Variants in SNX30 observed in about 807,000 individuals in gnomAD.
SNX30 encodes sorting nexin-30.
SNX30 carries 24 observed loss-of-function variants against 46.4 expected under a neutral mutation model. That is an observed-to-expected ratio of 0.52 (90% CI 0.37 to 0.73). SNX30 has a LOEUF of 0.73. SNX30 is among the 30% of genes least tolerant of loss of function. SNX30 has a pLI of 0.00. For missense variants in SNX30, 533 were observed against 555.7 expected, an observed-to-expected ratio of 0.96 and a Z score of 0.41; for synonymous variants, 189 against 211.5, an observed-to-expected ratio of 0.89 and a Z score of 0.92.
intron 1 of SNX30, among the ~76,000 whole-genome samples, chr9:112,796,807 G>A (rs569399068): frequency 6.6e-5 from 10 of 152,160 alleles, no homozygotes; most frequent in African/African-American, 1.9e-4. Context: ...TCTTCACTCC[G>A]CCGTGTCCCA....
At chr9:112,867,682 A>G (rs1178314446) in intron 8 of SNX30, among the ~76,000 whole-genome samples, 1 of 134,056 alleles carries the variant, frequency 7.5e-6, no homozygotes, top group African/African-American at 2.9e-5. Flanking sequence ...AATTTCTCCC[A>G]CCTCTTCAGA....
chr9:112,816,502 G>C (rs1185029719), intron 2 of SNX30, among the ~76,000 whole-genome samples: 2 of 152,200 alleles, frequency 1.3e-5, no homozygotes, highest in African/African-American at 4.8e-5. Context: ...TGTTTCATAG[G>C]CATATGCTGG....
chr9:112,829,211 CTATT>C (rs1840624134), intron 3 of SNX30, among the ~76,000 whole-genome samples: 3 of 152,194 alleles, frequency 2.0e-5, no homozygotes, highest in Non-Finnish European at 4.4e-5. Context: ...GCTGTTATGA[CTATT>C]TGTGTACAAA....
chr9:112,842,866 A>G (rs143184383), intron 6 of SNX30, among the ~76,000 whole-genome samples: 87 of 152,338 alleles, frequency 5.7e-4, no homozygotes, highest in Non-Finnish European at 1.1e-3. Flanking sequence ...CTTGTACTAG[A>G]AAGACGGTTG....
intron 7 of SNX30, among the ~76,000 whole-genome samples, chr9:112,852,335 G>A (rs1263471163): frequency 6.6e-6 from 1 of 152,094 alleles, no homozygotes; most frequent in Non-Finnish European, 1.5e-5. Flanking sequence ...GATTTACAAG[G>A]TATTTATGTT....
At chr9:112,885,440 G>GTATATATATATATATATATATGTGTA, downstream of SNX30, 1 of 147,552 alleles carries the variant, frequency 6.8e-6, no homozygotes, top group Non-Finnish European at 1.5e-5. Context: ...ATATATATGT[G>GTATATATATATATATATATATGTGTA]TATATATATA....
At chr9:112,820,336 C>G (rs995258955) in intron 3 of SNX30, among the ~76,000 whole-genome samples, 6 of 152,120 alleles carry the variant, frequency 3.9e-5, no homozygotes, top group Non-Finnish European at 8.8e-5. Flanking sequence ...ACCAACCCCC[C>G]TCATCCGCTA....
rs201444648 is a variant in SNX30 at position 112,832,507 on chromosome 9, AGAG to A, written c.618+1625_618+1627del. On this transcript the variant is annotated intron_variant, in intron 4 of 8. Transcript: ENST00000374232. ...GTGTGTGTGTGTGTGAGAGAGAGAG[AGAG>A]AGGAGATTTATCTATCTGTGGGCCA... Among the ~76,000 whole-genome samples, 699 of 136,508 alleles carry A rather than the reference AGAG, an allele frequency of 5.1e-3. 23 individuals carry two copies. In the East Asian group the frequency reaches 0.088, roughly 17 times the overall value. The allele number at this position is 136,508 out of a possible 152,430, so 89.6% of individuals were successfully genotyped here.
intron 2 of SNX30, among the ~76,000 whole-genome samples, chr9:112,814,233 T>C (rs1437306742): frequency 6.6e-6 from 1 of 152,154 alleles, no homozygotes; most frequent in African/African-American, 2.4e-5. Flanking sequence ...TGACTCAATT[T>C]TTATTTTTAT....
chr9:112,854,554 A>C (rs1174057397), intron 7 of SNX30, among the ~76,000 whole-genome samples: 1 of 152,188 alleles, frequency 6.6e-6, no homozygotes, highest in East Asian at 1.9e-4. Flanking sequence ...TGGGATGTTG[A>C]ACCATGCCAC....
At chr9:112,864,631 G>A (rs926639947) in intron 8 of SNX30, among the ~76,000 whole-genome samples, 2 of 152,172 alleles carry the variant, frequency 1.3e-5, no homozygotes, top group Non-Finnish European at 2.9e-5. Flanking sequence ...TGGGGAAGCA[G>A]CCCATTCGTC....
intron 4 of SNX30, among the ~76,000 whole-genome samples, chr9:112,831,920 C>G (rs1840664737): frequency 6.6e-6 from 1 of 152,164 alleles, no homozygotes; most frequent in Non-Finnish European, 1.5e-5. Context: ...GTATCATATT[C>G]CCATGTTCAG....
intron 1 of SNX30, among the ~76,000 whole-genome samples, chr9:112,757,100 C>T (rs1490199622): frequency 6.6e-6 from 1 of 152,240 alleles, no homozygotes; most frequent in Non-Finnish European, 1.5e-5. Context: ...GACTTGTACA[C>T]TCCTCCATAT....
At chr9:112,779,791 G>T (rs752505953) in intron 1 of SNX30, among the ~76,000 whole-genome samples, 1 of 152,170 alleles carries the variant, frequency 6.6e-6, no homozygotes, top group Non-Finnish European at 1.5e-5. Flanking sequence ...CATGCAGGGC[G>T]CACTTGGCTG....
At chr9:112,773,484 G>T (rs1365962017) in intron 1 of SNX30, among the ~76,000 whole-genome samples, 1 of 151,878 alleles carries the variant, frequency 6.6e-6, no homozygotes, top group Non-Finnish European at 1.5e-5. Context: ...TGAACTCCTG[G>T]GCTCAAGCAA....
chr9:112,873,781 A>G lies in SNX30; in HGVS notation c.*4938A>G, dbSNP rs923249308. On this transcript the variant is annotated 3_prime_UTR_variant, in exon 9 of 9. Coordinates refer to ENST00000374232, the MANE Select transcript of SNX30 (RefSeq NM_001012994.2). ...TATTAAATGTTACTCCTGATTCTGC[A>G]GAACAGCTTTTGAAGATACTGGGGG... is the stretch of plus-strand genomic sequence containing the variant. The G allele has an allele frequency of 6.6e-6, 1 of 152,248 alleles. No individual in the cohort carries two copies. The highest frequency in any genetic ancestry group is 2.4e-5 in the African/African-American group (1 of 41,456). The allele number at this position is 152,248 out of a possible 1,614,324, so 9.4% of individuals were successfully genotyped here. A position where few individuals can be genotyped will look rare whatever the true frequency, so the allele number is the denominator to read the frequency against.
intron 1 of SNX30, among the ~76,000 whole-genome samples, chr9:112,766,196 A>G (rs541951405): frequency 1.3e-5 from 2 of 152,312 alleles, no homozygotes; most frequent in Admixed American, 6.5e-5. Flanking sequence ...CTGTCATGGA[A>G]AATTCACACT....
intron 2 of SNX30, among the ~76,000 whole-genome samples, chr9:112,808,495 G>C (rs2131407815): frequency 6.6e-6 from 1 of 152,296 alleles, no homozygotes; most frequent in Middle Eastern, 3.4e-3. Flanking sequence ...TTTTTCTGGA[G>C]ACTACAAGAA....
chr9:112,768,298 G>C (rs927713145), intron 1 of SNX30, among the ~76,000 whole-genome samples: 1 of 152,160 alleles, frequency 6.6e-6, no homozygotes. Context: ...GTTTCCAGCC[G>C]ACATCTATTG....
Sources: gnomAD v4.1 joint callset for allele counts (sites outside exome capture counted in the v4.1 genomes callset) on GRCh38, gnomAD v4.1.1 for gene constraint, MANE v1.5 for transcripts, NCBI Gene and HGNC (gene_info 2026-07-23, HGNC 2026-07-21) for gene names.